Variants in ZNF160 observed in about 807,000 individuals in gnomAD.
ZNF160 encodes the protein zinc finger protein 160, also known as KRAB zinc finger protein KR18.
In ZNF160, 9 loss-of-function variants were observed where a neutral mutation model predicts 13.1. The ratio of observed to expected loss-of-function variants is 0.69; its 90% CI spans 0.41 to 1.20. The LOEUF is 1.20. Ranked by LOEUF, ZNF160 falls within the 50% of genes most tolerant of loss-of-function variation. The pLI, the probability that ZNF160 is intolerant of heterozygous loss-of-function variation, is 0.01. For synonymous variants in ZNF160, 293 were observed against 333.2 expected (o/e 0.88, Z 1.31); for missense variants, 838 against 988.0 (o/e 0.85, Z 2.04).
At chr19:53,078,387 G>A (rs1445036330) in intron 3 of ZNF160, among the ~76,000 whole-genome samples, 2 of 151,958 alleles carry the variant, frequency 1.3e-5, no homozygotes, top group Non-Finnish European at 2.9e-5. Context: ...TCCAGCCTGT[G>A]CTACAAAGTG....
At chr19:53,084,665 A>G (rs1264020616) in intron 3 of ZNF160, among the ~76,000 whole-genome samples, 1 of 152,234 alleles carries the variant, frequency 6.6e-6, no homozygotes, top group Admixed American at 6.5e-5. Context: ...CAACCCACTC[A>G]GACTCACAAG....
chr19:53,078,411 A>G (rs1451162140), intron 3 of ZNF160, among the ~76,000 whole-genome samples: 4 of 151,638 alleles, frequency 2.6e-5, no homozygotes, highest in African/African-American at 9.7e-5. Context: ...CCCCATCTCT[A>G]AAAAAAATAA....
Position 53,068,840 on chromosome 19 carries a change from T to A in ZNF160, c.1694A>T (p.Tyr565Phe). 6.2e-7 allele frequency: 1 copy of A among 1,614,150 alleles called. No homozygotes were observed. Among genetic ancestry groups the A allele is most frequent in the Non-Finnish European group, 8.5e-7 (1 of 1,179,966 alleles). Residue 565 changes from tyrosine (Y) to phenylalanine (F), a missense_variant, in exon 6 of 6, where the codon TAC (tyrosine) becomes TTC (phenylalanine). By Grantham distance (22) the Tyr-to-Phe change is conservative. Transcript: ENST00000683776. Reference protein sequence around the residue: ...HRGIHSGEKPYKCNECGKVFA... With the variant: ...HRGIHSGEKPFKCNECGKVFA... ...GACTTTACCACATTCATTACACTTG[T>A]AAGGTTTCTCTCCAGAATGAATTCC...
intron 3 of ZNF160, among the ~76,000 whole-genome samples, chr19:53,080,192 C>G (rs570317310): frequency 6.6e-6 from 1 of 151,710 alleles, no homozygotes; most frequent in African/African-American, 2.4e-5. Flanking sequence ...TCTGCCTCCC[C>G]GGTTCAAGCA....
intron 3 of ZNF160, among the ~76,000 whole-genome samples, chr19:53,082,960 A>C (rs958597050): frequency 3.3e-5 from 5 of 152,168 alleles, no homozygotes; most frequent in Admixed American, 3.3e-4. Context: ...GACCTCACAG[A>C]CCTCAGGGAG....
intron 1 of ZNF160, among the ~76,000 whole-genome samples, chr19:53,096,709 C>G (rs1299485529): frequency 7.9e-6 from 1 of 127,156 alleles, no homozygotes; most frequent in Admixed American, 7.7e-5. Context: ...AGCAGAAAGG[C>G]AGGCAGGAGA....
chr19:53,068,527 G>T lies in ZNF160; in HGVS notation c.2007C>A (p.Val669=), dbSNP rs1011620363. ...TGTAAGGCTTCTCTCCAGTATGGAT[G>T]ACCTTATGGGTAGTTAGGTTTGAAT... ...SMHSNLTTHK[V]IHTGEKPYKC... is the part of the protein sequence containing the mutation. The change falls in exon 6 of 6, where the codon GTC becomes GTA. Residue 669 remains valine, a synonymous_variant. Coordinates refer to ENST00000683776, the MANE Select transcript of ZNF160 (RefSeq NM_001322131.2). 3.7e-6 allele frequency: 6 copies of T among 1,612,536 alleles called. No homozygotes were observed. The African/African-American group carries it at 8.1e-5, about 22-fold the overall frequency.
chr19:53,101,718 A>G (rs2085453580), intron 1 of ZNF160, among the ~76,000 whole-genome samples: 10 of 152,170 alleles, frequency 6.6e-5, no homozygotes, highest in Admixed American at 6.5e-4. Flanking sequence ...ATCCTCGGAA[A>G]CAGGAAGAGG....
Position 53,069,903 on chromosome 19 carries a change from T to C in ZNF160, c.631A>G (p.Thr211Ala). ...GGTGACACTGAGGAACCATTGTTGG[T>C]AGACTTCTCAACTTGATTACATTCA... ...MYECNQVEKSTNNGSSVSPLQ... is the reference protein window; with the variant it reads ...MYECNQVEKSANNGSSVSPLQ... The change falls in exon 6 of 6, where the codon ACC becomes GCC. Residue 211 changes from threonine to alanine, a missense_variant. Thr to Ala is a moderately conservative substitution (Grantham distance 58, BLOSUM62 0). Transcript: ENST00000683776. The surrounding 1 kb of genome is among the most constrained non-coding windows in gnomAD (Gnocchi z 4.4). 1 of 1,614,190 alleles carries C rather than the reference T, an allele frequency of 6.2e-7. No individual in the cohort carries two copies. The highest frequency in any genetic ancestry group is 8.5e-7 in the Non-Finnish European group (1 of 1,180,028).
Position 53,068,032 on chromosome 19 carries a change from A to C in ZNF160, c.*45T>G, listed in dbSNP as rs760344604. 3.3e-6 allele frequency: 5 copies of C among 1,537,848 alleles called. No homozygotes were observed. The highest frequency in any genetic ancestry group is 4.4e-6 in the Non-Finnish European group (5 of 1,142,788). On this transcript the variant is annotated 3_prime_UTR_variant, in exon 6 of 6. Coordinates refer to ENST00000683776, the MANE Select transcript of ZNF160 (RefSeq NM_001322131.2). ...TAAGGATTCTGTCAAGAATGAAATT[A>C]ACTGATGTGAAAGGAGTGAATTGTA... is the stretch of plus-strand genomic sequence containing the variant.
chr19:53,077,778 T>C (rs2084457212), intron 3 of ZNF160, among the ~76,000 whole-genome samples: 1 of 151,138 alleles, frequency 6.6e-6, no homozygotes, highest in Non-Finnish European at 1.5e-5. Context: ...TATATATACA[T>C]TATCAAAGAA....
At chr19:53,100,605 G>A (rs372566016) in intron 1 of ZNF160, among the ~76,000 whole-genome samples, 4 of 151,072 alleles carry the variant, frequency 2.6e-5, no homozygotes, top group African/African-American at 7.3e-5. Context: ...GCGAGACTCC[G>A]TCTCCAAAAA....
chr19:53,085,695 T>C (rs2084805544), intron 3 of ZNF160: 2 of 260,116 alleles, frequency 7.7e-6, no homozygotes, highest in African/African-American at 2.2e-5. Flanking sequence ...GTTGACGTCA[T>C]ACATTAAAAT....
chr19:53,082,434 C>T (rs2084668183), intron 3 of ZNF160, among the ~76,000 whole-genome samples: 2 of 152,156 alleles, frequency 1.3e-5, no homozygotes, highest in African/African-American at 2.4e-5. Context: ...ATAATCCCAG[C>T]ACTTTAGGAG....
chr19:53,074,091 C>G, intron 5 of ZNF160, 49 bp downstream of exon 5: 1 of 1,586,656 alleles, frequency 6.3e-7, no homozygotes, highest in Admixed American at 1.7e-5. Context: ...TGCCCCCTCC[C>G]ACACTCTAGT....
At chr19:53,102,533 C>T (rs779249124) in intron 1 of ZNF160, among the ~76,000 whole-genome samples, 3 of 152,222 alleles carry the variant, frequency 2.0e-5, no homozygotes, top group Admixed American at 2.0e-4. Flanking sequence ...CTCTACATTT[C>T]GCCAATTGCT....
intron 5 of ZNF160, among the ~76,000 whole-genome samples, chr19:53,071,103 G>C (rs894676843): frequency 6.6e-6 from 1 of 152,122 alleles, no homozygotes; most frequent in Non-Finnish European, 1.5e-5. Flanking sequence ...GGCTGAGGCA[G>C]GAGAATTGCT....
chr19:53,085,927 G>T, intron 3 of ZNF160: 1 of 1,003,078 alleles, frequency 1.0e-6, no homozygotes, highest in South Asian at 1.4e-5. Context: ...CTGTTATCAT[G>T]GTTTACACAG....
intron 3 of ZNF160, chr19:53,075,384 A>AT: frequency 1.7e-6 from 1 of 595,124 alleles, no homozygotes; most frequent in South Asian, 2.0e-5. Context: ...CAGTGGAGTG[A>AT]TAAGTATCTT....
Sources: gnomAD v4.1 joint callset for allele counts (sites outside exome capture counted in the v4.1 genomes callset) on GRCh38, gnomAD v4.1.1 for gene constraint, Gnocchi (gnomAD v3.1) non-coding constraint, MANE v1.5 for transcripts, NCBI Gene and HGNC (gene_info 2026-07-23, HGNC 2026-07-21) for gene names.